The following FOCAD variants were observed in gnomAD, a reference collection of about 807,000 sequenced individuals.
FOCAD encodes KIAA1797.
A neutral mutation model predicts 225.6 loss-of-function variants in FOCAD; 198 were observed. That is an observed-to-expected ratio of 0.88 (90% CI 0.78 to 0.99). The LOEUF is 0.99. Ranked by LOEUF, FOCAD falls within the 50% of genes least tolerant of loss-of-function variation. The pLI, the probability that FOCAD is intolerant of heterozygous loss-of-function variation, is 0.00. For synonymous variants in FOCAD, 897 were observed against 755.0 expected (o/e 1.19, Z -3.08); for missense variants, 2,713 against 2,123.6 (o/e 1.28, Z -5.46).
At chr9:20,969,747 G>C (rs1162290502) in intron 35 of FOCAD, among the ~76,000 whole-genome samples, 2 of 115,888 alleles carry the variant, frequency 1.7e-5, no homozygotes, top group Non-Finnish European at 3.7e-5. Context: ...AAATATAATG[G>C]CTTTTATATT....
chr9:20,781,494 T>TA lies in FOCAD; in HGVS notation c.995-229dup, dbSNP rs969636018. Among the ~76,000 whole-genome samples, 34 of 136,750 alleles carry TA rather than the reference T, an allele frequency of 2.5e-4. 2 individuals carry two copies. In the East Asian group the frequency reaches 5.6e-3, roughly 23 times the overall value. 89.7% of individuals were successfully genotyped at this position (136,750 alleles called of 152,430 possible). On this transcript the variant is annotated intron_variant, in intron 9 of 43. Coordinates refer to ENST00000338382, the MANE Select transcript of FOCAD (RefSeq NM_001375567.1). Reference sequence around the variant, plus strand: ...ATTTTTTAAAAAATTCATATTAACCTAAAAGAGTATCATCAATTTTTCAGT... The same window carrying TA: ...ATTTTTTAAAAAATTCATATTAACCTAAAAAGAGTATCATCAATTTTTCAGT...
chr9:20,715,680 A>G (rs376583410), intron 2 of FOCAD, among the ~76,000 whole-genome samples: 3 of 152,004 alleles, frequency 2.0e-5, no homozygotes, highest in East Asian at 3.9e-4. Flanking sequence ...AGGCCCCTGA[A>G]TATGTTTGTT....
intron 7 of FOCAD, among the ~76,000 whole-genome samples, chr9:20,768,800 A>G (rs534338734): frequency 6.6e-6 from 1 of 152,196 alleles, no homozygotes; most frequent in East Asian, 1.9e-4. Flanking sequence ...AGTCCTTTTC[A>G]TTTTAATTGC....
chr9:20,664,552 G>A (rs1587176093), intron 2 of FOCAD, among the ~76,000 whole-genome samples: 1 of 151,772 alleles, frequency 6.6e-6, no homozygotes, highest in Non-Finnish European at 1.5e-5. Flanking sequence ...CAGGAAGGGA[G>A]AGATAAATCC....
intron 21 of FOCAD, among the ~76,000 whole-genome samples, chr9:20,896,103 T>C (rs1304846169): frequency 6.6e-6 from 1 of 151,984 alleles, no homozygotes; most frequent in African/African-American, 2.4e-5. Context: ...ATGCTTTTTC[T>C]GCATCTATTG....
At chr9:20,655,952 G>A (rs1821469847), upstream of FOCAD, among the ~76,000 whole-genome samples, 1 of 152,038 alleles carries the variant, frequency 6.6e-6, no homozygotes, top group Non-Finnish European at 1.5e-5. Flanking sequence ...CTTTGAATGT[G>A]TCCCAGAGAT....
At chr9:20,672,280 G>T (rs1822086725) in intron 2 of FOCAD, among the ~76,000 whole-genome samples, 1 of 152,002 alleles carries the variant, frequency 6.6e-6, no homozygotes, top group Non-Finnish European at 1.5e-5. Context: ...TGAGAAGTAT[G>T]GTATAATTTT....
At chr9:20,709,137 T>C (rs540750623) in intron 1 of FOCAD, among the ~76,000 whole-genome samples, 1 of 152,336 alleles carries the variant, frequency 6.6e-6, no homozygotes, top group South Asian at 2.1e-4. Context: ...ATTAATTTTC[T>C]TGGAAGTATT....
intron 11 of FOCAD, among the ~76,000 whole-genome samples, chr9:20,810,831 A>G (rs1245377489): frequency 2.0e-5 from 3 of 152,014 alleles, no homozygotes; most frequent in Non-Finnish European, 2.9e-5. Flanking sequence ...AAGTGATGTG[A>G]TATTTGACTT....
At chr9:20,666,694 G>C (rs1821908234) in intron 2 of FOCAD, among the ~76,000 whole-genome samples, 2 of 152,162 alleles carry the variant, frequency 1.3e-5, no homozygotes, top group South Asian at 4.1e-4. Flanking sequence ...AATTTAGATG[G>C]AAGAGAAGAG....
At chr9:20,866,082 A>G (rs1189698209) in intron 17 of FOCAD, 106 bp downstream of exon 17, 1 of 937,006 alleles carries the variant, frequency 1.1e-6, no homozygotes, top group Non-Finnish European at 1.6e-6. Flanking sequence ...CCTTGAAATA[A>G]TGGGTTCCCA....
rs757613631 is a variant in FOCAD, at chr9:20,865,941, G to T, written c.2071G>T (p.Val691Phe). 4.4e-6 allele frequency: 7 copies of T among 1,608,442 alleles called. No homozygotes were observed. Among genetic ancestry groups the T allele is most frequent in the Non-Finnish European group, 5.9e-6 (7 of 1,177,484 alleles). Residue 691 changes from valine to phenylalanine, a missense_variant, in exon 17 of 44, where the codon GTC (valine) becomes TTC (phenylalanine). Val to Phe is a conservative substitution (Grantham distance 50). Coordinates refer to ENST00000338382, the MANE Select transcript of FOCAD (RefSeq NM_001375567.1). ...TTEYENFKVQ[V>F]LSFLWTHTQN... is the part of the protein sequence containing the mutation. Reference sequence around the variant, plus strand: ...AACTTTTCAGAATTTTAAAGTTCAAGTCCTCAGCTTCCTCTGGACTCATAC... The same window carrying T: ...AACTTTTCAGAATTTTAAAGTTCAATTCCTCAGCTTCCTCTGGACTCATAC...
intron 35 of FOCAD, among the ~76,000 whole-genome samples, chr9:20,972,915 A>G (rs1839888501): frequency 6.6e-6 from 1 of 151,688 alleles, no homozygotes; most frequent in Non-Finnish European, 1.5e-5. Context: ...TTCTTTCAGC[A>G]TCTGCTGATG....
intron 11 of FOCAD, among the ~76,000 whole-genome samples, chr9:20,797,970 A>G: frequency 6.6e-6 from 1 of 152,112 alleles, no homozygotes; most frequent in Non-Finnish European, 1.5e-5. Context: ...TCAGTATGAT[A>G]TTGGCTGTGG....
chr9:20,909,678 G>T (rs766958695), intron 22 of FOCAD, among the ~76,000 whole-genome samples: 1 of 152,110 alleles, frequency 6.6e-6, no homozygotes, highest in Admixed American at 6.6e-5. Flanking sequence ...AAGATTTGCA[G>T]TATTATTTAA....
intron 21 of FOCAD, among the ~76,000 whole-genome samples, chr9:20,901,952 A>G (rs569375056): frequency 2.5e-4 from 38 of 151,980 alleles, no homozygotes; most frequent in Middle Eastern, 3.2e-3. Flanking sequence ...GCCTATTTAA[A>G]AAAAGTTTTA....
intron 2 of FOCAD, among the ~76,000 whole-genome samples, chr9:20,664,191 C>G (rs1455408836): frequency 1.3e-5 from 2 of 151,154 alleles, no homozygotes; most frequent in African/African-American, 4.9e-5. Flanking sequence ...TTAAAAAGTT[C>G]TATATTTCTA....
chr9:20,981,639 TCTGAAG>T lies in FOCAD; in HGVS notation c.4594_4599del (p.Glu1532_Ala1533del). 1 of 1,612,854 alleles carries T rather than the reference TCTGAAG, an allele frequency of 6.2e-7. No individual in the cohort carries two copies. Among genetic ancestry groups the T allele is most frequent in the Non-Finnish European group, 8.5e-7 (1 of 1,179,504 alleles). On this transcript the variant is annotated inframe_deletion, in exon 38 of 44. Coordinates refer to ENST00000338382, the MANE Select transcript of FOCAD (RefSeq NM_001375567.1). ...TGCCCACCACCTCTGGAGTCTGCTCTCTGAAGCTACTGGGAAAATTTTTGACCTCCT... is the reference window on the plus strand; with the variant it reads ...TGCCCACCACCTCTGGAGTCTGCTCTCTACTGGGAAAATTTTTGACCTCCT...
intron 5 of FOCAD, among the ~76,000 whole-genome samples, chr9:20,750,896 T>C (rs1254714740): frequency 6.6e-6 from 1 of 152,134 alleles, no homozygotes; most frequent in Non-Finnish European, 1.5e-5. Context: ...CTTTACAGGG[T>C]TTGTTTGCAT....
Sources: allele counts gnomAD v4.1 joint callset (sites outside exome capture counted in the v4.1 genomes callset), GRCh38; gene constraint gnomAD v4.1.1; transcripts MANE v1.5; gene names NCBI Gene and HGNC (gene_info 2026-07-23, HGNC 2026-07-21).